GPAM: variants seen among roughly 807,000 people sequenced by gnomAD.
GPAM encodes the protein glycerol-3-phosphate acyltransferase, mitochondrial, also known as glycerol-3-phosphate acyltransferase 1, mitochondrial.
Under a neutral mutation model 105.0 loss-of-function variants are expected in GPAM, and 56 were observed. The ratio of observed to expected loss-of-function variants is 0.53; its 90% CI spans 0.43 to 0.67. The LOEUF is 0.67. GPAM is among the 30% of genes least tolerant of loss of function. The pLI is 0.00. For missense variants in GPAM, 855 were observed against 989.8 expected (o/e 0.86, Z 1.83); for synonymous variants, 368 against 354.4 (o/e 1.04, Z -0.43).
Position 112,168,916 on chromosome 10 carries a change from T to C in GPAM, c.831A>G (p.Arg277=), listed in dbSNP as rs1193862333. The C allele has an allele frequency of 2.5e-6, 4 of 1,611,658 alleles. No individual in the cohort carries two copies. Among genetic ancestry groups the C allele is most frequent in the African/African-American group, 1.3e-5 (1 of 74,870 alleles). Residue 277 remains arginine (R), a synonymous_variant, in exon 10 of 22, where the codon CGA becomes CGG. Transcript: ENST00000348367. ...LIHKLGGFFI[R]RRLDETPDGR... Reference sequence around the variant, plus strand: ...CATCTGGTGTTTCATCGAGCCTTCGTCGTATGAAGAAGCCCCCAAGCTTAT... The same window carrying C: ...CATCTGGTGTTTCATCGAGCCTTCGCCGTATGAAGAAGCCCCCAAGCTTAT...
At chr10:112,172,434 A>G (rs1847329226) in intron 8 of GPAM, 116 bp from the exon 9 acceptor site, 3 of 776,640 alleles carry the variant, frequency 3.9e-6, no homozygotes, top group Non-Finnish European at 6.8e-6. Flanking sequence ...CTCACTCTTT[A>G]AAAACATTTT....
intron 1 of GPAM, among the ~76,000 whole-genome samples, chr10:112,212,972 G>T (rs1463806093): frequency 6.6e-6 from 1 of 152,244 alleles, no homozygotes; most frequent in African/African-American, 2.4e-5. Flanking sequence ...CAAGGCAGGT[G>T]AGAGGGACGG....
At chr10:112,175,210 A>G (rs1283030772) in intron 6 of GPAM, among the ~76,000 whole-genome samples, 1 of 152,192 alleles carries the variant, frequency 6.6e-6, no homozygotes, top group Non-Finnish European at 1.5e-5. Context: ...GTACCTAGAT[A>G]CTCAGTAACT....
chr10:112,224,186 T>C, the GPAM span, among the ~76,000 whole-genome samples: 1 of 152,168 alleles, frequency 6.6e-6, no homozygotes. Flanking sequence ...TTTTGAAAAG[T>C]ATAAAGTATT....
In GPAM at chr10:112,178,141, T is replaced by A; in HGVS notation, c.226-84A>T. 6.7e-6 allele frequency: 5 copies of A among 747,092 alleles called. No homozygotes were observed. In the South Asian group the frequency reaches 7.7e-5, roughly 11 times the overall value. 46.3% of individuals were successfully genotyped at this position (747,092 alleles called of 1,614,324 possible). ...TCTCATTATGAGTTCTTGATAACTT[T>A]AATATCAAGCATAAAAACAGATATT... On this transcript the variant is annotated intron_variant, in intron 4 of 21. Transcript: ENST00000348367.
At chr10:112,227,521 G>A in the GPAM span, among the ~76,000 whole-genome samples, 25 of 152,290 alleles carry the variant, frequency 1.6e-4, no homozygotes, top group South Asian at 4.1e-4. Flanking sequence ...AAGCCCACTA[G>A]GCCTTCCACA....
chr10:112,219,224 C>A (rs964928179), upstream of GPAM, among the ~76,000 whole-genome samples: 3 of 152,202 alleles, frequency 2.0e-5, no homozygotes, highest in Admixed American at 2.0e-4. Flanking sequence ...AGAGCAGCAC[C>A]AGAAAAGGAC....
chr10:112,183,136 G>A (rs1480991584), intron 1 of GPAM, among the ~76,000 whole-genome samples: 2 of 152,228 alleles, frequency 1.3e-5, no homozygotes, highest in Non-Finnish European at 2.9e-5. Flanking sequence ...CTTACCATCT[G>A]TGTGATTTTT....
the GPAM span, among the ~76,000 whole-genome samples, chr10:112,221,178 C>CT: frequency 6.6e-6 from 1 of 152,160 alleles, no homozygotes; most frequent in South Asian, 2.1e-4. Flanking sequence ...ATATGAAATA[C>CT]TGTACAAGCC....
At chr10:112,176,442 T>C (rs920653757) in intron 5 of GPAM, among the ~76,000 whole-genome samples, 1 of 152,250 alleles carries the variant, frequency 6.6e-6, no homozygotes, top group African/African-American at 2.4e-5. Context: ...ACATTTGTAA[T>C]GATTACATGA....
At chr10:112,211,313 G>C (rs1847908595) in intron 1 of GPAM, among the ~76,000 whole-genome samples, 1 of 152,122 alleles carries the variant, frequency 6.6e-6, no homozygotes, top group Non-Finnish European at 1.5e-5. Flanking sequence ...GTTTCACCTG[G>C]ATCTAACCTG....
intron 5 of GPAM, among the ~76,000 whole-genome samples, chr10:112,177,497 T>C (rs1442452424): frequency 6.6e-6 from 1 of 152,160 alleles, no homozygotes; most frequent in African/African-American, 2.4e-5. Context: ...TACAAGCCTA[T>C]CCCCATATGC....
At chr10:112,173,379 T>A (rs565311437) in intron 7 of GPAM, among the ~76,000 whole-genome samples, 2 of 152,272 alleles carry the variant, frequency 1.3e-5, no homozygotes, top group South Asian at 4.1e-4. Context: ...AGCAGAATGA[T>A]CCCTCTGATG....
At chr10:112,161,616 C>T (rs1847124817) in intron 15 of GPAM, 51 bp downstream of exon 15, 3 of 1,456,526 alleles carry the variant, frequency 2.1e-6, no homozygotes, top group East Asian at 4.5e-5. Flanking sequence ...GAGCAGCTGA[C>T]AAAACATTCT....
chr10:112,185,486 T>TA (rs1564685564), upstream of GPAM, among the ~76,000 whole-genome samples: 1 of 58,582 alleles, frequency 1.7e-5, no homozygotes, highest in Non-Finnish European at 3.5e-5. Context: ...TGAAAAATCT[T>TA]TAAAAAAAAA....
At chr10:112,156,146 G>T (rs982919936) in intron 19 of GPAM, 93 bp from the exon 20 acceptor site, 8 of 820,274 alleles carry the variant, frequency 9.8e-6, no homozygotes, top group African/African-American at 1.7e-5. Context: ...AGCCAGTAAC[G>T]TGAGAAGATG....
chr10:112,187,610 T>C (rs1847610941), upstream of GPAM, among the ~76,000 whole-genome samples: 1 of 152,170 alleles, frequency 6.6e-6, no homozygotes. Flanking sequence ...ACAATTGTAG[T>C]CAGCCATTTC....
intron 1 of GPAM, among the ~76,000 whole-genome samples, chr10:112,192,095 G>T (rs1217820409): frequency 6.6e-6 from 1 of 152,172 alleles, no homozygotes; most frequent in Non-Finnish European, 1.5e-5. Context: ...CAAGCAACAG[G>T]GTAAGGGGTA....
At chr10:112,218,144 A>G (rs1159018863), upstream of GPAM, among the ~76,000 whole-genome samples, 1 of 152,234 alleles carries the variant, frequency 6.6e-6, no homozygotes, top group African/African-American at 2.4e-5. Context: ...TTCCTTCCTA[A>G]CAGCCTACTG....
Sources: allele counts gnomAD v4.1 joint callset (sites outside exome capture counted in the v4.1 genomes callset), GRCh38; gene constraint gnomAD v4.1.1; transcripts MANE v1.5; gene names NCBI Gene and HGNC (gene_info 2026-07-23, HGNC 2026-07-21).